The following WWOX variants were observed in gnomAD, a reference collection of about 807,000 sequenced individuals.
WWOX encodes the protein WW domain containing oxidoreductase, also known as WW domain-containing oxidoreductase.
Under a neutral mutation model 46.2 loss-of-function variants are expected in WWOX, and 69 were observed. The observed-to-expected ratio is 1.49, with a 90% CI of 1.23 to 1.82. The LOEUF (loss-of-function observed/expected upper bound fraction) is 1.82, where lower values mean the gene tolerates loss of function less well. Among genes scored for constraint, WWOX ranks in the 40% most tolerant of loss-of-function variants. The pLI is 0.00. For synonymous variants in WWOX, 359 were observed against 202.6 expected (o/e 1.77, Z -6.56); for missense variants, 919 against 542.6 (o/e 1.69, Z -6.89).
chr16:79,101,712 CCTCT>C (rs1414898626), intron 8 of WWOX: 4 of 150,396 alleles, frequency 2.7e-5, no homozygotes, highest in African/African-American at 7.4e-5. Flanking sequence ...CATTTCTCAT[CCTCT>C]CTCTCTTTCT....
chr16:78,584,813 C>G (rs1215054270), intron 8 of WWOX, among the ~76,000 whole-genome samples: 1 of 152,210 alleles, frequency 6.6e-6, no homozygotes, highest in African/African-American at 2.4e-5. Context: ...TGGCCGTGTG[C>G]ACGTGTAAAA....
intron 8 of WWOX, among the ~76,000 whole-genome samples, chr16:79,191,848 T>C (rs949875459): frequency 6.6e-6 from 1 of 152,172 alleles, no homozygotes; most frequent in Non-Finnish European, 1.5e-5. Flanking sequence ...AGCCCATTCT[T>C]CAATGGAGAA....
intron 8 of WWOX, among the ~76,000 whole-genome samples, chr16:78,516,613 C>G (rs747456271): frequency 7.9e-5 from 12 of 152,192 alleles, no homozygotes; most frequent in Non-Finnish European, 1.0e-4. Flanking sequence ...AGCCATCGTT[C>G]TCCATTTTGC....
In WWOX at chr16:78,834,447, C is replaced by T. The variant is rs1232038630; in HGVS notation, c.1057-377161C>T. ...TGTGCCCCTCAGCTCCTAAGTAAAC[C>T]AAAATTTATTGAGAGGTGTATAGGT... On this transcript the variant is annotated intron_variant, in intron 8 of 8. Coordinates refer to ENST00000566780, the MANE Select transcript of WWOX (RefSeq NM_016373.4). Among the ~76,000 whole-genome samples the T allele has an allele frequency of 6.6e-5, 10 of 152,132 alleles. No homozygotes were observed. In the East Asian group the frequency reaches 1.7e-3, roughly 26 times the overall value.
chr16:78,907,040 G>A (rs969951044), intron 8 of WWOX, among the ~76,000 whole-genome samples: 1 of 152,292 alleles, frequency 6.6e-6, no homozygotes, highest in African/African-American at 2.4e-5. Flanking sequence ...TAGGGAAAGA[G>A]TTTAATGTTG....
intron 5 of WWOX, among the ~76,000 whole-genome samples, chr16:78,243,693 T>C (rs998090150): frequency 1.3e-5 from 2 of 152,148 alleles, no homozygotes; most frequent in African/African-American, 4.8e-5. Flanking sequence ...ACTACAGGTG[T>C]GCACCACCAT....
rs148052509 is a variant in WWOX, at chr16:78,994,193, T to C, written c.1057-217415T>C. 9.9e-5 allele frequency among the ~76,000 whole-genome samples: 15 copies of C among 152,114 alleles called. No individual in the cohort carries two copies. The East Asian group carries it at 2.5e-3, about 26-fold the overall frequency. On this transcript the variant is annotated intron_variant, in intron 8 of 8. Coordinates refer to ENST00000566780, the MANE Select transcript of WWOX (RefSeq NM_016373.4). ...CTGCATCACATCGATTCTCTCCTTA[T>C]AGGCCTTCTTGTTTTGTGTTCTCTG... is the stretch of plus-strand genomic sequence containing the variant.
intron 8 of WWOX, among the ~76,000 whole-genome samples, chr16:79,085,846 G>T (rs1055722934): frequency 6.6e-6 from 1 of 152,088 alleles, no homozygotes; most frequent in Non-Finnish European, 1.5e-5. Context: ...AGGAGTTCAA[G>T]TCCAGCCTGG....
intron 8 of WWOX, among the ~76,000 whole-genome samples, chr16:78,660,033 AG>A (rs1436128946): frequency 1.3e-5 from 2 of 152,192 alleles, no homozygotes; most frequent in African/African-American, 4.8e-5. Context: ...TTTACCTCAA[AG>A]CAAACACATC....
rs547852052 is a variant in WWOX, at chr16:78,791,605, C to T, written c.1056+358853C>T. ...CTGAGGCAAACAGAAGGGCTGGGTG[C>T]GGTGGCTCATACCTGTAATCCCAGC... is the stretch of plus-strand genomic sequence containing the variant. On this transcript the variant is annotated intron_variant, in intron 8 of 8. Transcript: ENST00000566780. Among the ~76,000 whole-genome samples, 223 of 152,136 alleles carry T rather than the reference C, an allele frequency of 1.5e-3. 1 individual carries two copies. The South Asian group carries it at 0.018, about 12-fold the overall frequency.
chr16:79,103,435 AC>A (rs943465713), intron 8 of WWOX, among the ~76,000 whole-genome samples: 5 of 152,186 alleles, frequency 3.3e-5, no homozygotes, highest in Non-Finnish European at 7.3e-5. Flanking sequence ...CTCAAGCACA[AC>A]CACAAGGATT....
intron 5 of WWOX, among the ~76,000 whole-genome samples, chr16:78,283,790 G>C (rs757438885): frequency 1.3e-5 from 2 of 152,084 alleles, no homozygotes; most frequent in Non-Finnish European, 2.9e-5. Flanking sequence ...ATTCAGCTAC[G>C]TCAAGGAAGA....
At chr16:78,134,581 A>G (rs983166756) in intron 4 of WWOX, among the ~76,000 whole-genome samples, 2 of 152,076 alleles carry the variant, frequency 1.3e-5, no homozygotes, top group East Asian at 1.9e-4. Context: ...CTGTACATCA[A>G]TATCTGCCAT....
intron 1 of WWOX, among the ~76,000 whole-genome samples, chr16:78,106,411 G>GTT (rs998219778): frequency 0.06 from 7,365 of 122,066 alleles, 680 homozygotes; most frequent in Non-Finnish European, 0.096. Context: ...AGTCAGAACG[G>GTT]TTTTTTTTTG....
chr16:78,787,359 C>T (rs868860481), intron 8 of WWOX, among the ~76,000 whole-genome samples: 7 of 152,134 alleles, frequency 4.6e-5, no homozygotes, highest in Non-Finnish European at 8.8e-5. Context: ...ATAACCACAT[C>T]TACTTTGTGT....
intron 8 of WWOX, among the ~76,000 whole-genome samples, chr16:78,967,116 C>T (rs1215027024): frequency 6.6e-6 from 1 of 151,998 alleles, no homozygotes; most frequent in East Asian, 1.9e-4. Flanking sequence ...CCTGGGTTAT[C>T]TGATATGTGT....
At chr16:78,756,745 C>T (rs1848688386) in intron 8 of WWOX, among the ~76,000 whole-genome samples, 1 of 152,080 alleles carries the variant, frequency 6.6e-6, no homozygotes, top group Admixed American at 6.6e-5. Flanking sequence ...AAGAATCAAA[C>T]CTAAGTTGGG....
intron 8 of WWOX, among the ~76,000 whole-genome samples, chr16:79,002,843 C>G (rs957709692): frequency 3.3e-5 from 5 of 152,208 alleles, no homozygotes; most frequent in African/African-American, 1.2e-4. Context: ...TATACTACCT[C>G]TTCGAGATGC....
chr16:79,028,321 G>A (rs1008286465), intron 8 of WWOX, among the ~76,000 whole-genome samples: 2 of 151,802 alleles, frequency 1.3e-5, no homozygotes, highest in Non-Finnish European at 2.9e-5. Flanking sequence ...GGATGTAGTT[G>A]GGTGACACTA....
Sources: gnomAD v4.1 joint callset for allele counts (sites outside exome capture counted in the v4.1 genomes callset) on GRCh38, gnomAD v4.1.1 for gene constraint, MANE v1.5 for transcripts, NCBI Gene and HGNC (gene_info 2026-07-23, HGNC 2026-07-21) for gene names.